Variants in PRKCE observed in about 807,000 individuals in gnomAD.
PRKCE encodes the protein protein kinase C epsilon, also known as protein kinase C epsilon type.
In PRKCE, 16 loss-of-function variants were observed where a neutral mutation model predicts 85.4. That is an observed-to-expected ratio of 0.19 (90% CI 0.13 to 0.28). PRKCE has a LOEUF of 0.28. Among genes scored for constraint, PRKCE ranks in the 10% least tolerant of loss-of-function variants. PRKCE has a pLI of 1.00. For synonymous variants in PRKCE, 388 were observed against 371.5 expected (o/e 1.04, Z -0.51); for missense variants, 573 against 975.2 (o/e 0.59, Z 5.49).
At chr2:45,911,832 T>C (rs181869714) in intron 2 of PRKCE, among the ~76,000 whole-genome samples, 120 of 152,266 alleles carry the variant, frequency 7.9e-4, no homozygotes, top group African/African-American at 2.8e-3. Context: ...AGATAACTTA[T>C]GATTTCCATA....
At chr2:45,806,931 C>G (rs1162188628) in intron 1 of PRKCE, among the ~76,000 whole-genome samples, 1 of 152,084 alleles carries the variant, frequency 6.6e-6, no homozygotes, top group Admixed American at 6.6e-5. Context: ...TAGTTGGGCC[C>G]CTGAGGATGT....
chr2:45,744,461 CTTTCTTTCTTTCTTTCTTTCTTTCTTTT>C (rs1682900260), intron 1 of PRKCE, among the ~76,000 whole-genome samples: 1 of 56,374 alleles, frequency 1.8e-5, no homozygotes, highest in Non-Finnish European at 3.5e-5. Flanking sequence ...TTCTTTCTTT[CTTTCTTTCTTTCTTTCTTTCTTTCTTTT>C]TCTTTCTTTC....
Position 45,937,607 on chromosome 2 carries a change from C to T in PRKCE, c.413-38822C>T, listed in dbSNP as rs561286781. 5.3e-5 allele frequency among the ~76,000 whole-genome samples: 8 copies of T among 151,934 alleles called. No homozygotes were observed. The East Asian group carries it at 9.7e-4, about 18-fold the overall frequency. On this transcript the variant is annotated intron_variant, in intron 2 of 14. Transcript: ENST00000306156. ...GCGGGCACCTGTAGTCCCAGCTACT[C>T]GGGAGGCTGAGGCAGGAAAATGGTG...
rs796937042 is a variant in PRKCE at position 45,907,091 on chromosome 2, C to T, written c.412+64028C>T. 2.0e-5 allele frequency among the ~76,000 whole-genome samples: 3 copies of T among 152,034 alleles called. No homozygotes were observed. The highest frequency in any genetic ancestry group is 2.9e-5 in the Non-Finnish European group (2 of 68,030). On this transcript the variant is annotated intron_variant, in intron 2 of 14. Transcript: ENST00000306156. This position sits in a 1 kb window ranked among gnomAD's most constrained non-coding sequence, Gnocchi z 4.5. ...CTAAGTGGTATAGACGGAAGGAAGG[C>T]GGTCAGAGGGTACACGCTCCATGTT...
rs556336106 is a variant in PRKCE at position 46,017,576 on chromosome 2, A to T, written c.1437+7059A>T. On this transcript the variant is annotated intron_variant, in intron 10 of 14. Transcript: ENST00000306156. ...TTTTAGCTATATACCTAGAAGTGGG[A>T]TTCCTGGATCATATAGTAATTCTCT... Among the ~76,000 whole-genome samples, 174 of 152,244 alleles carry T rather than the reference A, an allele frequency of 1.1e-3. 1 individual carries two copies. Among genetic ancestry groups the T allele is most frequent in the African/African-American group, 3.8e-3 (159 of 41,538 alleles).
chr2:45,687,951 TG>T (rs1677428235), intron 1 of PRKCE, among the ~76,000 whole-genome samples: 1 of 152,180 alleles, frequency 6.6e-6, no homozygotes. Context: ...CTTTATTGTA[TG>T]GGGTCCTCAG....
intron 14 of PRKCE, among the ~76,000 whole-genome samples, chr2:46,170,669 G>T (rs113590179): frequency 3.3e-5 from 5 of 152,278 alleles, no homozygotes; most frequent in Admixed American, 1.3e-4. Flanking sequence ...ATCAGTTCCA[G>T]TATATGCCCG....
intron 2 of PRKCE, among the ~76,000 whole-genome samples, chr2:45,966,346 T>C (rs1030037002): frequency 3.3e-5 from 5 of 152,190 alleles, no homozygotes; most frequent in African/African-American, 1.2e-4. Context: ...CTGTCACACA[T>C]GTGAGGTACT....
At chr2:46,118,926 C>G (rs969259957) in intron 11 of PRKCE, among the ~76,000 whole-genome samples, 6 of 152,158 alleles carry the variant, frequency 3.9e-5, no homozygotes, top group Non-Finnish European at 8.8e-5. Context: ...CAGCCTGCAA[C>G]AGATGGAGCA....
intron 1 of PRKCE, among the ~76,000 whole-genome samples, chr2:45,778,163 G>C (rs1685904623): frequency 6.6e-6 from 1 of 152,134 alleles, no homozygotes; most frequent in Non-Finnish European, 1.5e-5. Flanking sequence ...GGGGTTGGTG[G>C]GTGGAGTTTA....
At chr2:45,883,231 T>A (rs1695011995) in intron 2 of PRKCE, among the ~76,000 whole-genome samples, 1 of 152,232 alleles carries the variant, frequency 6.6e-6, no homozygotes, top group Non-Finnish European at 1.5e-5. Context: ...TAGAGCCAAG[T>A]ATGGATTTGG....
intron 6 of PRKCE, among the ~76,000 whole-genome samples, chr2:45,999,242 A>G (rs1016947865): frequency 2.0e-5 from 3 of 152,126 alleles, no homozygotes; most frequent in African/African-American, 7.2e-5. Flanking sequence ...CTGAAGAACT[A>G]CTTTTAACAT....
intron 10 of PRKCE, among the ~76,000 whole-genome samples, chr2:46,065,985 G>A (rs1054909929): frequency 7.9e-5 from 12 of 152,204 alleles, no homozygotes; most frequent in African/African-American, 2.6e-4. Flanking sequence ...ATTGGTCCCC[G>A]ACCACCCATT....
intron 1 of PRKCE, among the ~76,000 whole-genome samples, chr2:45,795,611 G>A (rs1687378241): frequency 6.6e-6 from 1 of 152,098 alleles, no homozygotes; most frequent in Admixed American, 6.6e-5. Flanking sequence ...CGCCCGGCCT[G>A]AACATTTTTA....
chr2:45,662,283 CAGAG>C (rs747609929), intron 1 of PRKCE, among the ~76,000 whole-genome samples: 16 of 152,168 alleles, frequency 1.1e-4, no homozygotes, highest in Admixed American at 5.9e-4. Context: ...TCGTTGCTCT[CAGAG>C]AGCATACACT....
intron 2 of PRKCE, among the ~76,000 whole-genome samples, chr2:45,968,698 C>T (rs998946569): frequency 2.0e-5 from 3 of 152,184 alleles, no homozygotes; most frequent in Non-Finnish European, 4.4e-5. Context: ...TCTAAGAACA[C>T]TGAGGTTGTG....
At chr2:45,741,662 C>T (rs73926047) in intron 1 of PRKCE, among the ~76,000 whole-genome samples, 8,602 of 152,004 alleles carry the variant, frequency 0.057, 805 homozygotes, top group African/African-American at 0.2. Context: ...TGGGCCTGTG[C>T]CCAGGCTGTA....
rs1322306147 is a variant in PRKCE at position 45,905,518 on chromosome 2, G to T, written c.412+62455G>T. ...TCAGGTAAAAAACACCCTGCCATCT[G>T]GTAAAACACAGCTTAAGCACATTGG... On this transcript the variant is annotated intron_variant, in intron 2 of 14. Coordinates refer to ENST00000306156, the MANE Select transcript of PRKCE (RefSeq NM_005400.3). This position sits in a 1 kb window ranked among gnomAD's most constrained non-coding sequence, Gnocchi z 4.4. Among the ~76,000 whole-genome samples, 4 of 152,176 alleles carry T rather than the reference G, an allele frequency of 2.6e-5. No homozygotes were observed. Among genetic ancestry groups the T allele is most frequent in the Non-Finnish European group, 5.9e-5 (4 of 68,022 alleles).
intron 6 of PRKCE, among the ~76,000 whole-genome samples, chr2:45,994,071 C>T (rs1023246167): frequency 2.0e-5 from 3 of 152,088 alleles, no homozygotes; most frequent in Non-Finnish European, 2.9e-5. Flanking sequence ...GATCTGGCTG[C>T]TTATCCTGCC....
Sources: allele counts gnomAD v4.1 joint callset (sites outside exome capture counted in the v4.1 genomes callset), GRCh38; gene constraint gnomAD v4.1.1; non-coding constraint Gnocchi (gnomAD v3.1); transcripts MANE v1.5; gene names NCBI Gene and HGNC (gene_info 2026-07-23, HGNC 2026-07-21).